Variants in PARN observed in about 807,000 individuals in gnomAD.
The protein encoded by PARN is poly(A)-specific ribonuclease PARN.
A neutral mutation model predicts 102.8 loss-of-function variants in PARN; 71 were observed. The observed-to-expected ratio is 0.69, with a 90% CI of 0.57 to 0.84. The LOEUF (loss-of-function observed/expected upper bound fraction) is 0.84, where lower values mean the gene tolerates loss of function less well. Among genes scored for constraint, PARN ranks in the 40% least tolerant of loss-of-function variants. PARN has a pLI of 0.00. For missense variants in PARN, 782 were observed against 760.9 expected (o/e 1.03, Z -0.33); for synonymous variants, 261 against 252.9 (o/e 1.03, Z -0.30).
chr16:14,616,373 G>A (rs1208585161), intron 6 of PARN, among the ~76,000 whole-genome samples: 1 of 152,214 alleles, frequency 6.6e-6, no homozygotes, highest in Non-Finnish European at 1.5e-5. Context: ...ACTCTAGCAA[G>A]TTAGCCATTA....
intron 22 of PARN, among the ~76,000 whole-genome samples, chr16:14,452,330 G>C (rs192426764): frequency 1.3e-5 from 2 of 152,274 alleles, no homozygotes; most frequent in East Asian, 3.9e-4. Context: ...GAACATTTAA[G>C]TTTACAAAGC....
intron 23 of PARN, among the ~76,000 whole-genome samples, chr16:14,442,683 T>C (rs1474773821): frequency 3.4e-5 from 5 of 146,026 alleles, no homozygotes; most frequent in African/African-American, 7.4e-5. Context: ...AGTGGCACCA[T>C]CTGGGCTCAC....
At chr16:14,549,855 A>G (rs1034907521) in intron 21 of PARN, among the ~76,000 whole-genome samples, 18 of 152,194 alleles carry the variant, frequency 1.2e-4, no homozygotes, top group African/African-American at 4.3e-4. Flanking sequence ...CACAACAATC[A>G]TGCCAAGTAA....
chr16:14,449,540 CA>C (rs1961357850), intron 22 of PARN, among the ~76,000 whole-genome samples: 3 of 151,978 alleles, frequency 2.0e-5, no homozygotes. Flanking sequence ...TTTTGCAGGG[CA>C]ATAAATAACG....
At chr16:14,491,499 C>G (rs1215437968) in intron 21 of PARN, among the ~76,000 whole-genome samples, 2 of 152,144 alleles carry the variant, frequency 1.3e-5, no homozygotes, top group Non-Finnish European at 2.9e-5. Flanking sequence ...CATAGTGGCT[C>G]ATGCCTGTAA....
chr16:14,439,422 G>A (rs1480372583), intron 23 of PARN, among the ~76,000 whole-genome samples: 1 of 148,700 alleles, frequency 6.7e-6, no homozygotes, highest in Non-Finnish European at 1.5e-5. Context: ...AAAGAAGACA[G>A]GGAGGGAGGG....
intron 22 of PARN, among the ~76,000 whole-genome samples, chr16:14,452,728 C>A (rs1425892876): frequency 1.3e-5 from 2 of 152,196 alleles, no homozygotes; most frequent in Non-Finnish European, 2.9e-5. Flanking sequence ...GGGCATCCTG[C>A]CTGAGAAAGC....
At chr16:14,504,444 A>G (rs1338045743) in intron 21 of PARN, among the ~76,000 whole-genome samples, 1 of 152,146 alleles carries the variant, frequency 6.6e-6, no homozygotes, top group African/African-American at 2.4e-5. Context: ...CTGTAATCCC[A>G]GCTACTCGGG....
intron 22 of PARN, among the ~76,000 whole-genome samples, chr16:14,472,272 G>A (rs1393035734): frequency 6.6e-6 from 1 of 152,094 alleles, no homozygotes; most frequent in Non-Finnish European, 1.5e-5. Flanking sequence ...TTAAAATTCT[G>A]CATTTTACAT....
At chr16:14,512,777 C>T (rs989680942) in intron 21 of PARN, among the ~76,000 whole-genome samples, 8 of 152,116 alleles carry the variant, frequency 5.3e-5, no homozygotes, top group East Asian at 1.9e-4. Context: ...TTTATCCATA[C>T]GTTTCTACAG....
At chr16:14,524,749 C>T (rs1399845455) in intron 21 of PARN, among the ~76,000 whole-genome samples, 4 of 152,182 alleles carry the variant, frequency 2.6e-5, no homozygotes, top group Non-Finnish European at 5.9e-5. Flanking sequence ...AAGTAGTTAA[C>T]ATCAGCAAAA....
chr16:14,617,648 G>A lies in PARN; in HGVS notation c.330C>T (p.Ser110=). 6.3e-7 allele frequency: 1 copy of A among 1,588,092 alleles called. No homozygotes were observed. Among genetic ancestry groups the A allele is most frequent in the African/African-American group, 1.3e-5 (1 of 74,568 alleles). ...SSPDVKFVCQ[S]SSIDFLASQG... The stretch of plus-strand genomic sequence containing the variant: ...GGCTTGCTAGAAAGTCAATGCTGGA[G>A]CTCTGAAACAGAGTAAACAGAACAC... The change falls in exon 6 of 24, where the codon AGC becomes AGT. Residue 110 remains serine (S), a splice_region_variant and synonymous_variant. Coordinates refer to ENST00000437198, the MANE Select transcript of PARN (RefSeq NM_002582.4).
rs564071194 is a variant in PARN at position 14,606,178 on chromosome 16, T to C, written c.702+306A>G. Among the ~76,000 whole-genome samples the C allele has an allele frequency of 1.6e-4, 25 of 152,154 alleles. 1 individual carries two copies. Among genetic ancestry groups the C allele is most frequent in the Middle Eastern group, 6.8e-3 (2 of 294 alleles). ...ACTCTGCGAGGCCGAGGCGGGCAAA[T>C]TGTTTGAGCCCAGGAGTTCAAGACT... is the stretch of plus-strand genomic sequence containing the variant. On this transcript the variant is annotated intron_variant, in intron 10 of 23. Coordinates refer to ENST00000437198, the MANE Select transcript of PARN (RefSeq NM_002582.4).
intron 21 of PARN, among the ~76,000 whole-genome samples, chr16:14,516,411 G>A (rs1184412182): frequency 3.3e-5 from 5 of 151,790 alleles, no homozygotes; most frequent in Admixed American, 6.6e-5. Flanking sequence ...CTGCGAAAAC[G>A]GATCCAAAAC....
Position 14,470,187 on chromosome 16 carries a change from T to C in PARN, c.1670+12451A>G, listed in dbSNP as rs536928325. On this transcript the variant is annotated intron_variant, in intron 22 of 23. Transcript: ENST00000437198. ...TAAGGTGATGTTAAACTTAGCTTCA[T>C]GTTATTTAAAATAAAATCCTGAGAT... Among the ~76,000 whole-genome samples, 355 of 152,246 alleles carry C rather than the reference T, an allele frequency of 2.3e-3. 1 individual carries two copies. Among genetic ancestry groups the C allele is most frequent in the Non-Finnish European group, 2.9e-3 (199 of 68,002 alleles).
chr16:14,449,243 A>G (rs1199163567), intron 22 of PARN, among the ~76,000 whole-genome samples: 1 of 152,190 alleles, frequency 6.6e-6, no homozygotes, highest in Non-Finnish European at 1.5e-5. Flanking sequence ...AATCTACTGT[A>G]TGATAACAGT....
chr16:14,482,515 G>A lies in PARN; in HGVS notation c.1670+123C>T, dbSNP rs900179473. ...AGGTCATAGTCACTTCTGATATGAT[G>A]TGAAAAGTTGAAAGGCCATCTTTCC... On this transcript the variant is annotated intron_variant, in intron 22 of 23. Coordinates refer to ENST00000437198, the MANE Select transcript of PARN (RefSeq NM_002582.4). 30 of 692,722 alleles carry A rather than the reference G, an allele frequency of 4.3e-5. No individual in the cohort carries two copies. In the Admixed American group the frequency reaches 8.6e-4, roughly 20 times the overall value. The allele number at this position is 692,722 out of a possible 1,614,324, so 42.9% of individuals were successfully genotyped here.
intron 23 of PARN, among the ~76,000 whole-genome samples, chr16:14,439,797 C>T (rs1221289288): frequency 6.6e-6 from 1 of 152,120 alleles, no homozygotes; most frequent in East Asian, 1.9e-4. Flanking sequence ...CGGTGGATCA[C>T]GAGGTCAGGG....
intron 21 of PARN, among the ~76,000 whole-genome samples, chr16:14,516,105 T>C (rs1965442537): frequency 1.3e-5 from 2 of 150,164 alleles, no homozygotes; most frequent in Non-Finnish European, 3.0e-5. Flanking sequence ...TTAGAAAAAA[T>C]ACAAGAATAA....
Sources: allele counts gnomAD v4.1 joint callset (sites outside exome capture counted in the v4.1 genomes callset), GRCh38; gene constraint gnomAD v4.1.1; transcripts MANE v1.5; gene names NCBI Gene and HGNC (gene_info 2026-07-23, HGNC 2026-07-21).